The following CFAP91 variants were observed in gnomAD, a reference collection of about 807,000 sequenced individuals.
The protein encoded by CFAP91 is cilia and flagella associated protein 91.
A neutral mutation model predicts 95.9 loss-of-function variants in CFAP91; 85 were observed. That is an observed-to-expected ratio of 0.89 (90% CI 0.74 to 1.06). The LOEUF is 1.06. Ranked by LOEUF, CFAP91 falls within the 50% of genes least tolerant of loss-of-function variation. The probability of loss-of-function intolerance (pLI) is 0.00; values close to 1 mark genes in which losing one functional copy is unlikely to be tolerated. For synonymous variants in CFAP91, 335 were observed against 327.5 expected, an observed-to-expected ratio of 1.02 and a Z score of -0.25; for missense variants, 962 against 943.4, an observed-to-expected ratio of 1.02 and a Z score of -0.26.
chr3:119,739,946 T>A (rs2054084998), intron 12 of CFAP91, among the ~76,000 whole-genome samples: 1 of 152,170 alleles, frequency 6.6e-6, no homozygotes, highest in African/African-American at 2.4e-5. Flanking sequence ...CTTAGCCAGA[T>A]TATTTGTGTT....
intron 6 of CFAP91, among the ~76,000 whole-genome samples, chr3:119,717,986 GCAGGGTT>G (rs2053610672): frequency 6.6e-6 from 1 of 152,098 alleles, no homozygotes; most frequent in African/African-American, 2.4e-5. Flanking sequence ...GTGGTGATGA[GCAGGGTT>G]CTAAGAATGA....
chr3:119,719,136 G>A (rs1559751444), intron 6 of CFAP91, among the ~76,000 whole-genome samples: 1 of 152,168 alleles, frequency 6.6e-6, no homozygotes, highest in South Asian at 2.1e-4. Flanking sequence ...TGATTACAAG[G>A]GAGATTGTAG....
intron 17 of CFAP91, among the ~76,000 whole-genome samples, chr3:119,757,845 G>T (rs1294437394): frequency 6.6e-6 from 1 of 152,054 alleles, no homozygotes; most frequent in South Asian, 2.1e-4. Flanking sequence ...GTACAGAGGA[G>T]CCCCCAGAGT....
chr3:119,753,166 G>C (rs1423973172), intron 17 of CFAP91, among the ~76,000 whole-genome samples: 4 of 152,184 alleles, frequency 2.6e-5, no homozygotes, highest in Non-Finnish European at 1.5e-5. Flanking sequence ...GGCATTTGGA[G>C]CTACTTTTTT....
intron 1 of CFAP91, among the ~76,000 whole-genome samples, chr3:119,704,277 G>C (rs2053318300): frequency 6.6e-6 from 1 of 152,130 alleles, no homozygotes; most frequent in Non-Finnish European, 1.5e-5. Flanking sequence ...CTTTTGCAGA[G>C]GAATTGCTAA....
At chr3:119,709,413 T>G (rs987237209) in intron 4 of CFAP91, among the ~76,000 whole-genome samples, 1 of 152,212 alleles carries the variant, frequency 6.6e-6, no homozygotes, top group African/African-American at 2.4e-5. Context: ...AACTGTACAA[T>G]TCTTAACTTT....
At chr3:119,742,569 A>C (rs1389302091) in intron 13 of CFAP91, among the ~76,000 whole-genome samples, 1 of 152,226 alleles carries the variant, frequency 6.6e-6, no homozygotes, top group Non-Finnish European at 1.5e-5. Context: ...CCTGACCCTG[A>C]GTGAGGGAGC....
rs540120371 is a variant in CFAP91, at chr3:119,730,434, T to C, written c.1018+57T>C. 6.8e-5 allele frequency: 105 copies of C among 1,551,104 alleles called. 3 individuals are homozygous for C. The South Asian group carries it at 1.2e-3, about 17-fold the overall frequency. On this transcript the variant is annotated intron_variant, in intron 8 of 17. Transcript: ENST00000273390. ...GGAAAAGTGGGCTTTGCTTTGGATC[T>C]TTGACCAAACCTGACTTAACTATGA...
intron 11 of CFAP91, 58 bp from the exon 12 acceptor site, chr3:119,739,197 T>C: frequency 7.1e-7 from 1 of 1,407,070 alleles, no homozygotes; most frequent in Non-Finnish European, 1.0e-6. Flanking sequence ...CAAAAGAATA[T>C]TTGATGCTTG....
intron 6 of CFAP91, among the ~76,000 whole-genome samples, chr3:119,722,177 T>TAA (rs569308101): frequency 0.029 from 2,611 of 91,124 alleles, 90 homozygotes; most frequent in African/African-American, 0.085. Flanking sequence ...ACCCTGTCTC[T>TAA]AAAAAAAAAA....
At chr3:119,726,389 G>A in intron 7 of CFAP91, 41 bp downstream of exon 7, 2 of 1,544,744 alleles carry the variant, frequency 1.3e-6, no homozygotes, top group Non-Finnish European at 1.8e-6. Flanking sequence ...CTGCACTGGT[G>A]GGAATAATGT....
chr3:119,714,245 A>G (rs2053531281), intron 5 of CFAP91, among the ~76,000 whole-genome samples: 1 of 151,966 alleles, frequency 6.6e-6, no homozygotes, highest in African/African-American at 2.4e-5. Flanking sequence ...GGGCACCTGT[A>G]GTCCCAGCTA....
rs57901016 is a variant in CFAP91 at position 119,740,835 on chromosome 3, TTGTGTGTGTGTGTGTGTG to T, written c.1680+163_1680+180del. ...CACAATCCCATCACTCTGTCAGCATTTGTGTGTGTGTGTGTGTGTGTGTGTGTGTGTGTGTGTGTGATG... is the reference window on the plus strand; with the variant it reads ...CACAATCCCATCACTCTGTCAGCATTTGTGTGTGTGTGTGTGTGTGTGATG... On this transcript the variant is annotated intron_variant, in intron 13 of 17. Transcript: ENST00000273390. 9.3e-4 allele frequency: 477 copies of T among 515,226 alleles called. 1 individual carries two copies. The highest frequency in any genetic ancestry group is 2.0e-3 in the Admixed American group (68 of 33,486). 31.9% of individuals were successfully genotyped at this position (515,226 alleles called of 1,614,324 possible).
chr3:119,750,249 A>T (rs746668379), intron 16 of CFAP91: 2 of 152,228 alleles, frequency 1.3e-5, no homozygotes, highest in African/African-American at 2.4e-5. Context: ...GAATGCGGAT[A>T]TTAAAATACT....
intron 11 of CFAP91, 82 bp downstream of exon 11, chr3:119,737,564 A>G: frequency 2.4e-6 from 2 of 844,406 alleles, no homozygotes; most frequent in Non-Finnish European, 3.7e-6. Context: ...CTTAAAGCAA[A>G]TCTAATTTAG....
chr3:119,755,002 T>C (rs2054399049), intron 17 of CFAP91, among the ~76,000 whole-genome samples: 1 of 152,256 alleles, frequency 6.6e-6, no homozygotes, highest in Non-Finnish European at 1.5e-5. Context: ...TTTTTTCTTC[T>C]GATTTTTCCC....
chr3:119,740,618 G>T lies in CFAP91; in HGVS notation c.1603G>T (p.Asp535Tyr). 1 of 1,614,206 alleles carries T rather than the reference G, an allele frequency of 6.2e-7. No individual in the cohort carries two copies. ...ELRTCHALQE[D>Y]EKLVKKAEKQ... ...GCGCACCTGCCACGCACTACAAGAA[G>T]ATGAAAAGCTGGTGAAAAAAGCCGA... Residue 535 changes from aspartate (D) to tyrosine (Y), a missense_variant, in exon 13 of 18, where the codon GAT becomes TAT. Coordinates refer to ENST00000273390, the MANE Select transcript of CFAP91 (RefSeq NM_033364.4).
intron 17 of CFAP91, among the ~76,000 whole-genome samples, chr3:119,764,252 T>G (rs984546516): frequency 6.6e-6 from 1 of 152,094 alleles, no homozygotes; most frequent in Non-Finnish European, 1.5e-5. Flanking sequence ...GGATAACTGC[T>G]CTTCAGGACA....
intron 6 of CFAP91, among the ~76,000 whole-genome samples, chr3:119,725,916 T>C (rs951685978): frequency 2.0e-5 from 3 of 152,208 alleles, no homozygotes; most frequent in African/African-American, 7.2e-5. Flanking sequence ...AGTAGTCACT[T>C]AATATTCTTC....
Sources: gnomAD v4.1 joint callset for allele counts (sites outside exome capture counted in the v4.1 genomes callset) on GRCh38, gnomAD v4.1.1 for gene constraint, MANE v1.5 for transcripts, NCBI Gene and HGNC (gene_info 2026-07-23, HGNC 2026-07-21) for gene names.